The following ZNF365 variants were observed in gnomAD, a reference collection of about 807,000 sequenced individuals.
ZNF365 encodes the protein zinc finger protein 365.
Under a neutral mutation model 35.0 loss-of-function variants are expected in ZNF365, and 22 were observed. That is an observed-to-expected ratio of 0.63 (90% CI 0.45 to 0.90). The LOEUF (loss-of-function observed/expected upper bound fraction) is 0.90, where lower values mean the gene tolerates loss of function less well. ZNF365 is among the 40% of genes least tolerant of loss of function. ZNF365 has a pLI of 0.00. For missense variants in ZNF365, 448 were observed against 500.3 expected, an observed-to-expected ratio of 0.90 and a Z score of 1.00; for synonymous variants, 188 against 196.2, an observed-to-expected ratio of 0.96 and a Z score of 0.35.
chr10:62,407,578 TCCTC>T (rs1309074096), intron 3 of ZNF365, among the ~76,000 whole-genome samples: 2 of 117,124 alleles, frequency 1.7e-5, no homozygotes, highest in African/African-American at 1.2e-4. Context: ...TTTGAGGGTC[TCCTC>T]TCCTCTCCTC....
At chr10:62,463,306 T>C (rs915824969) in intron 4 of ZNF365, among the ~76,000 whole-genome samples, 2 of 152,192 alleles carry the variant, frequency 1.3e-5, no homozygotes, top group East Asian at 1.9e-4. Flanking sequence ...AGCCAAAAGA[T>C]TATACTTAAT....
chr10:62,463,175 C>T (rs868544029), intron 4 of ZNF365, among the ~76,000 whole-genome samples: 1 of 152,236 alleles, frequency 6.6e-6, no homozygotes, highest in Non-Finnish European at 1.5e-5. Flanking sequence ...TGAGCTCCTG[C>T]GTGCAAAGCT....
intron 2 of ZNF365, among the ~76,000 whole-genome samples, chr10:62,379,054 A>G (rs1355331191): frequency 3.6e-5 from 5 of 138,824 alleles, no homozygotes; most frequent in Non-Finnish European, 7.6e-5. Context: ...ACAGAGTCTC[A>G]CTTTGTCACC....
chr10:62,447,492 A>G (rs1840609867), intron 3 of ZNF365, among the ~76,000 whole-genome samples: 1 of 152,098 alleles, frequency 6.6e-6, no homozygotes, highest in African/African-American at 2.4e-5. Context: ...ATTTCCTCCA[A>G]TCCCTTGTGG....
At chr10:62,477,880 G>C (rs1841158628) in intron 4 of ZNF365, among the ~76,000 whole-genome samples, 1 of 152,122 alleles carries the variant, frequency 6.6e-6, no homozygotes, top group Admixed American at 6.5e-5. Flanking sequence ...TTCAATGTGG[G>C]GTGGTGTTTA....
chr10:62,427,770 A>G (rs866159506), intron 3 of ZNF365, among the ~76,000 whole-genome samples: 1 of 152,134 alleles, frequency 6.6e-6, no homozygotes, highest in African/African-American at 2.4e-5. Context: ...AATGGCTGCT[A>G]TCCCTGTGTT....
At chr10:62,465,845 C>T (rs1406099973) in intron 4 of ZNF365, among the ~76,000 whole-genome samples, 1 of 152,186 alleles carries the variant, frequency 6.6e-6, no homozygotes, top group Non-Finnish European at 1.5e-5. Context: ...CAGTGACACA[C>T]TCCCAGACTG....
chr10:62,393,277 A>T (rs1589433049), intron 3 of ZNF365, among the ~76,000 whole-genome samples: 2 of 152,230 alleles, frequency 1.3e-5, no homozygotes, highest in East Asian at 3.9e-4. Context: ...GAAAGATTAA[A>T]AGTATAGTAT....
At chr10:62,453,479 C>T in intron 3 of ZNF365, among the ~76,000 whole-genome samples, 1 of 152,224 alleles carries the variant, frequency 6.6e-6, no homozygotes, top group East Asian at 1.9e-4. Context: ...TTAATTGCTG[C>T]ATAGTATTCC....
intron 3 of ZNF365, among the ~76,000 whole-genome samples, chr10:62,414,349 C>T (rs1840039526): frequency 6.7e-6 from 1 of 148,848 alleles, no homozygotes; most frequent in African/African-American, 2.5e-5. Flanking sequence ...ACAGTCATAC[C>T]ACCATATCTG....
chr10:62,449,984 G>A (rs1192932583), intron 3 of ZNF365, among the ~76,000 whole-genome samples: 2 of 152,128 alleles, frequency 1.3e-5, no homozygotes, highest in African/African-American at 2.4e-5. Context: ...GCACAGAAAA[G>A]AGTGTAGGCT....
chr10:62,389,514 G>A (rs1839589319), intron 3 of ZNF365, among the ~76,000 whole-genome samples: 1 of 151,802 alleles, frequency 6.6e-6, no homozygotes, highest in African/African-American at 2.4e-5. Context: ...CAACATTTAT[G>A]CCGATCAAAA....
At position 62,400,998 on chromosome 10, in the gene ZNF365, G is replaced by A. The variant is rs1181246564; in HGVS notation, c.*1209G>A. 6.1e-6 allele frequency: 6 copies of A among 985,330 alleles called. No individual in the cohort carries two copies. The African/African-American group carries it at 8.7e-5, about 14-fold the overall frequency. The allele number at this position is 985,330 out of a possible 1,614,324, so 61.0% of individuals were successfully genotyped here. On this transcript the variant is annotated 3_prime_UTR_variant, in exon 5 of 5. Transcript: ENST00000395254. ...AAAGAGCTGTTAAGAATTTCCTGCTGTATGATTTTCCTCAAGAATGAATTT... is the reference window on the plus strand; with the variant it reads ...AAAGAGCTGTTAAGAATTTCCTGCTATATGATTTTCCTCAAGAATGAATTT...
chr10:62,414,784 T>C (rs1197137824), intron 3 of ZNF365, among the ~76,000 whole-genome samples: 1 of 152,216 alleles, frequency 6.6e-6, no homozygotes, highest in African/African-American at 2.4e-5. Context: ...TTCAAATATT[T>C]CTTCTGTCTC....
intron 3 of ZNF365, among the ~76,000 whole-genome samples, chr10:62,391,660 A>ATTTGGG (rs1270722582): frequency 6.6e-6 from 1 of 152,202 alleles, no homozygotes; most frequent in East Asian, 1.9e-4. Flanking sequence ...GGGCATGGGC[A>ATTTGGG]TTTGGGCTGG....
In ZNF365 at chr10:62,400,034, C is replaced by A; in HGVS notation, c.*245C>A. On this transcript the variant is annotated 3_prime_UTR_variant, in exon 5 of 5. Transcript: ENST00000395254. Reference sequence around the variant, plus strand: ...GAAAGAATAAAAAAATTAAATCAATCTTAAAGCTCTAACTTCTAAAGTAAC... The same window carrying A: ...GAAAGAATAAAAAAATTAAATCAATATTAAAGCTCTAACTTCTAAAGTAAC... 7.9e-7 allele frequency: 1 copy of A among 1,269,966 alleles called. No homozygotes were observed. The highest frequency in any genetic ancestry group is 9.9e-7 in the Non-Finnish European group (1 of 1,007,100). The allele number at this position is 1,269,966 out of a possible 1,614,324, so 78.7% of individuals were successfully genotyped here.
chr10:62,432,408 C>T (rs1253536403), intron 3 of ZNF365, among the ~76,000 whole-genome samples: 1 of 152,132 alleles, frequency 6.6e-6, no homozygotes, highest in Non-Finnish European at 1.5e-5. Flanking sequence ...CAGGAAGCAA[C>T]CTTAGGAATG....
chr10:62,467,238 T>C (rs544832410), intron 4 of ZNF365, among the ~76,000 whole-genome samples: 2 of 152,366 alleles, frequency 1.3e-5, no homozygotes, highest in South Asian at 4.1e-4. Context: ...ACTGTAAGGC[T>C]TTCAAATTAG....
At chr10:62,431,794 T>A (rs999206779) in intron 3 of ZNF365, among the ~76,000 whole-genome samples, 2 of 152,214 alleles carry the variant, frequency 1.3e-5, no homozygotes, top group African/African-American at 4.8e-5. Flanking sequence ...TGATAAGTTC[T>A]CCAGTCTGCC....
Sources: allele counts gnomAD v4.1 joint callset (sites outside exome capture counted in the v4.1 genomes callset), GRCh38; gene constraint gnomAD v4.1.1; transcripts MANE v1.5; gene names NCBI Gene and HGNC (gene_info 2026-07-23, HGNC 2026-07-21).